The following ANK3 variants were observed in gnomAD, a reference collection of about 807,000 sequenced individuals.
The protein encoded by ANK3 is ankyrin 3.
ANK3 carries 57 observed loss-of-function variants against 370.9 expected under a neutral mutation model. That is an observed-to-expected ratio of 0.15 (90% CI 0.12 to 0.19). ANK3 has a LOEUF of 0.19. Among genes scored for constraint, ANK3 ranks in the 10% least tolerant of loss-of-function variants. The pLI, the probability that ANK3 is intolerant of heterozygous loss-of-function variation, is 1.00. For missense variants in ANK3, 4,439 were observed against 5,302.1 expected (o/e 0.84, Z 5.06); for synonymous variants, 1,929 against 1,946.3 (o/e 0.99, Z 0.23).
chr10:60,382,224 C>A (rs897014711), intron 1 of ANK3, among the ~76,000 whole-genome samples: 4 of 152,062 alleles, frequency 2.6e-5, no homozygotes, highest in Non-Finnish European at 4.4e-5. Flanking sequence ...AGTTCTATTT[C>A]CCCATTTTTT....
chr10:60,710,202 TCA>T (rs1178459260), intron 1 of ANK3, among the ~76,000 whole-genome samples: 2 of 152,136 alleles, frequency 1.3e-5, no homozygotes, highest in Non-Finnish European at 2.9e-5. Context: ...GATGAACTGC[TCA>T]CACAGAGATG....
At chr10:60,222,131 G>A (rs780989433) in intron 8 of ANK3, among the ~76,000 whole-genome samples, 6 of 152,176 alleles carry the variant, frequency 3.9e-5, no homozygotes, top group Non-Finnish European at 8.8e-5. Flanking sequence ...TACAGATTCA[G>A]TCTAGCTCTT....
At chr10:60,052,613 G>A (rs953371205) in intron 42 of ANK3, among the ~76,000 whole-genome samples, 5 of 152,002 alleles carry the variant, frequency 3.3e-5, no homozygotes, top group Non-Finnish European at 5.9e-5. Context: ...ACTACCAAGG[G>A]GCAAATAGTT....
intron 1 of ANK3, among the ~76,000 whole-genome samples, chr10:60,298,565 G>A (rs2043020030): frequency 1.3e-5 from 2 of 152,128 alleles, no homozygotes; most frequent in African/African-American, 4.8e-5. Flanking sequence ...CCCTTCCAGA[G>A]TTACTGCTTA....
intron 1 of ANK3, among the ~76,000 whole-genome samples, chr10:60,301,247 TACACACACACATGCACGC>T (rs1347200642): frequency 6.8e-5 from 10 of 146,830 alleles, no homozygotes; most frequent in Non-Finnish European, 1.5e-4. Flanking sequence ...TATATACATA[TACACACACACATGCACGC>T]ACACATATAC....
At chr10:60,416,972 T>C (rs963578621) in intron 2 of ANK3, among the ~76,000 whole-genome samples, 7 of 152,110 alleles carry the variant, frequency 4.6e-5, no homozygotes, top group African/African-American at 1.7e-4. Context: ...AAGAATAAAC[T>C]GTTCTCCAAG....
At chr10:60,042,933 TC>T in intron 42 of ANK3, 174 bp from the exon 43 acceptor site, 2 of 1,411,980 alleles carry the variant, frequency 1.4e-6, no homozygotes, top group Non-Finnish European at 1.8e-6. Flanking sequence ...TTTAGCATCA[TC>T]AAGCAAGCTA....
In ANK3 at chr10:60,074,197, ATCT is replaced by A. The variant is rs753100931; in HGVS notation, c.6681_6683del (p.Glu2227del). 23 of 1,614,140 alleles carry A rather than the reference ATCT, an allele frequency of 1.4e-5. No individual in the cohort carries two copies. Among genetic ancestry groups the A allele is most frequent in the East Asian group, 1.1e-4 (5 of 44,876 alleles). On this transcript the variant is annotated inframe_deletion, in exon 37 of 44. Transcript: ENST00000280772. ...CTTTGCTTAAAACCCGATTGTGGTC[ATCT>A]TCTTCACTACTGGCTTTCATTTGAA...
At chr10:60,658,293 AT>A (rs1376401191) in intron 1 of ANK3, among the ~76,000 whole-genome samples, 65 of 151,204 alleles carry the variant, frequency 4.3e-4, no homozygotes, top group Non-Finnish European at 8.9e-5. Context: ...TTAATCAAGT[AT>A]CTTTTTAAAA....
chr10:60,524,285 C>G (rs963547005), intron 2 of ANK3, among the ~76,000 whole-genome samples: 1 of 152,076 alleles, frequency 6.6e-6, no homozygotes, highest in Non-Finnish European at 1.5e-5. Context: ...CTAGGTTAAG[C>G]AGCAACCTGG....
chr10:60,177,799 G>A (rs1345274793), intron 18 of ANK3, among the ~76,000 whole-genome samples: 5 of 151,676 alleles, frequency 3.3e-5, no homozygotes, highest in Non-Finnish European at 7.4e-5. Flanking sequence ...ACGGGGTTTC[G>A]CCGTGTTAGC....
intron 2 of ANK3, among the ~76,000 whole-genome samples, chr10:60,493,743 C>G (rs562386690): frequency 1.3e-5 from 2 of 151,644 alleles, no homozygotes; most frequent in South Asian, 4.2e-4. Context: ...AATGGGTTGG[C>G]TATATAGAGA....
At chr10:60,033,768 C>CT (rs1491422846) in intron 43 of ANK3, among the ~76,000 whole-genome samples, 1 of 151,994 alleles carries the variant, frequency 6.6e-6, no homozygotes, top group Non-Finnish European at 1.5e-5. Flanking sequence ...CCCAATGAAC[C>CT]TTTTTTAGGC....
Position 60,097,021 on chromosome 10 carries a change from G to A in ANK3, c.3329-8663C>T, listed in dbSNP as rs114793055. ...CTCACATACAAAAAGAGGATTAGAG[G>A]GAAAAGAGAAGTGAGTTCTGAAATA... On this transcript the variant is annotated intron_variant, in intron 28 of 43. Coordinates refer to ENST00000280772, the MANE Select transcript of ANK3 (RefSeq NM_020987.5). 4.4e-3 allele frequency among the ~76,000 whole-genome samples: 669 copies of A among 152,254 alleles called. 5 individuals are homozygous for A. Among genetic ancestry groups the A allele is most frequent in the African/African-American group, 0.015 (612 of 41,546 alleles).
rs138829123 is a variant in ANK3 at position 60,512,120 on chromosome 10, G to A, written c.96+103066C>T. On this transcript the variant is annotated intron_variant, in intron 2 of 43. Transcript: ENST00000373827. ...TTCCATCAATTAAAAAAAAGTACAA[G>A]GTGCAGACACCAGTCTGGGTCTTAT... Among the ~76,000 whole-genome samples, 289 of 151,998 alleles carry A rather than the reference G, an allele frequency of 1.9e-3. 15 individuals carry two copies. The East Asian group carries it at 0.049, about 26-fold the overall frequency.
intron 2 of ANK3, among the ~76,000 whole-genome samples, chr10:60,487,980 T>C (rs2075393847): frequency 6.6e-6 from 1 of 152,034 alleles, no homozygotes; most frequent in Admixed American, 6.6e-5. Flanking sequence ...TCCCAAAGTA[T>C]GGATTATACT....
chr10:60,549,224 G>A (rs1430031654), intron 2 of ANK3, among the ~76,000 whole-genome samples: 1 of 151,352 alleles, frequency 6.6e-6, no homozygotes, highest in Non-Finnish European at 1.5e-5. Context: ...GGTTTTCCAG[G>A]AAATGTTAGA....
intron 23 of ANK3, among the ~76,000 whole-genome samples, chr10:60,141,829 A>T (rs1161414689): frequency 1.3e-5 from 2 of 152,094 alleles, no homozygotes. Flanking sequence ...TAATATTAGG[A>T]TGCTATGACA....
At chr10:60,733,349 A>T (rs1180882385) in exon 1 of ANK3, 9 of 1,232,524 alleles carry the variant, frequency 7.3e-6, no homozygotes, top group Non-Finnish European at 9.1e-6. Flanking sequence ...TGCTCCTTCC[A>T]GGAACTCCAG....
Sources: allele counts gnomAD v4.1 joint callset (sites outside exome capture counted in the v4.1 genomes callset), GRCh38; gene constraint gnomAD v4.1.1; transcripts MANE v1.5; gene names NCBI Gene and HGNC (gene_info 2026-07-23, HGNC 2026-07-21).